PTPN3: variants seen among roughly 807,000 people sequenced by gnomAD.
The protein encoded by PTPN3 is protein tyrosine phosphatase non-receptor type 3.
A neutral mutation model predicts 132.7 loss-of-function variants in PTPN3; 96 were observed. The ratio of observed to expected loss-of-function variants is 0.72; its 90% confidence interval spans 0.61 to 0.86. PTPN3 has a LOEUF of 0.86. PTPN3 is among the 40% of genes least tolerant of loss of function. The pLI is 0.00. For missense variants in PTPN3, 1,125 were observed against 1,159.6 expected, an observed-to-expected ratio of 0.97 and a Z score of 0.43; for synonymous variants, 398 against 429.0, an observed-to-expected ratio of 0.93 and a Z score of 0.89.
chr9:109,394,919 C>G (rs1158727320), intron 19 of PTPN3, among the ~76,000 whole-genome samples: 1 of 151,502 alleles, frequency 6.6e-6, no homozygotes, highest in Non-Finnish European at 1.5e-5. Flanking sequence ...GCGGGCAGAT[C>G]ACGAGGTCAG....
At chr9:109,452,517 C>T (rs1845324951) in intron 5 of PTPN3, among the ~76,000 whole-genome samples, 1 of 151,542 alleles carries the variant, frequency 6.6e-6, no homozygotes, top group African/African-American at 2.4e-5. Flanking sequence ...GACACATATA[C>T]ATGTAAACAC....
the PTPN3 span, chr9:109,534,289 C>T: frequency 1.3e-6 from 2 of 1,534,104 alleles, no homozygotes; most frequent in South Asian, 1.2e-5. Flanking sequence ...GGGCGGCGAG[C>T]GGCAAGCGGC....
chr9:109,530,004 C>T, the PTPN3 span, among the ~76,000 whole-genome samples: 1 of 152,176 alleles, frequency 6.6e-6, no homozygotes, highest in Non-Finnish European at 1.5e-5. Flanking sequence ...CTGCCTCAGC[C>T]TCCCAAAGCA....
intron 1 of PTPN3, among the ~76,000 whole-genome samples, chr9:109,479,090 TTTAA>T (rs1564478717): frequency 6.6e-6 from 1 of 151,948 alleles, no homozygotes; most frequent in African/African-American, 2.4e-5. Context: ...ATTCAGTGGC[TTTAA>T]TTATATTCAC....
chr9:109,405,949 A>T (rs1482078639), intron 18 of PTPN3, among the ~76,000 whole-genome samples: 3 of 152,000 alleles, frequency 2.0e-5, no homozygotes, highest in Non-Finnish European at 2.9e-5. Flanking sequence ...CCTCCTCCAC[A>T]CCTGAGCCAG....
At chr9:109,406,418 C>T (rs1222424594) in intron 18 of PTPN3, 44 bp downstream of exon 18, 2 of 1,598,896 alleles carry the variant, frequency 1.3e-6, no homozygotes, top group Middle Eastern at 1.8e-4. Context: ...CGCAGCTTGG[C>T]TAGGACAGCT....
At chr9:109,432,713 C>T (rs546434132) in intron 10 of PTPN3, among the ~76,000 whole-genome samples, 3 of 152,162 alleles carry the variant, frequency 2.0e-5, no homozygotes, top group East Asian at 1.9e-4. Flanking sequence ...AGTTAATAAC[C>T]GAGGAACAGA....
intron 14 of PTPN3, among the ~76,000 whole-genome samples, chr9:109,416,791 CA>C (rs1842538663): frequency 6.6e-6 from 1 of 152,068 alleles, no homozygotes; most frequent in Non-Finnish European, 1.5e-5. Context: ...CCCCAAATCC[CA>C]TGGAAGAAGG....
intron 2 of PTPN3, among the ~76,000 whole-genome samples, chr9:109,459,107 A>G (rs1275307458): frequency 6.6e-6 from 1 of 152,260 alleles, no homozygotes; most frequent in African/African-American, 2.4e-5. Context: ...TCACATATAC[A>G]GGTATCTATT....
chr9:109,505,004 T>C, the PTPN3 span, among the ~76,000 whole-genome samples: 1 of 152,140 alleles, frequency 6.6e-6, no homozygotes, highest in East Asian at 1.9e-4. Flanking sequence ...ACCTAGGTAA[T>C]GTAGAATAGT....
chr9:109,427,195 T>C (rs1564429323), intron 11 of PTPN3, 73 bp from the exon 12 acceptor site: 15 of 1,511,806 alleles, frequency 9.9e-6, no homozygotes, highest in Admixed American at 5.4e-5. Flanking sequence ...TTAACCCACA[T>C]TGGTGAAATG....
chr9:109,449,652 C>T (rs1479871360), intron 5 of PTPN3: 1 of 985,322 alleles, frequency 1.0e-6, no homozygotes, highest in African/African-American at 1.7e-5. Context: ...ATACATGTGA[C>T]ACTTGGCCAC....
chr9:109,423,284 T>G (rs756646907), intron 12 of PTPN3, among the ~76,000 whole-genome samples: 1 of 152,226 alleles, frequency 6.6e-6, no homozygotes, highest in Non-Finnish European at 1.5e-5. Context: ...GGTAAATCTT[T>G]GAGAGAGAAT....
intron 17 of PTPN3, 61 bp downstream of exon 17, chr9:109,408,260 C>A: frequency 2.2e-6 from 3 of 1,341,172 alleles, no homozygotes; most frequent in Non-Finnish European, 3.1e-6. Flanking sequence ...GAAACAGAAA[C>A]CTGTTAGAAT....
chr9:109,506,575 C>T, the PTPN3 span, among the ~76,000 whole-genome samples: 3 of 145,012 alleles, frequency 2.1e-5, no homozygotes, highest in African/African-American at 7.5e-5. Context: ...TTCCTTCCTT[C>T]CTCTCTCTCT....
At chr9:109,404,359 T>C (rs963202138) in intron 19 of PTPN3, 89 bp downstream of exon 19, 2 of 985,412 alleles carry the variant, frequency 2.0e-6, no homozygotes, top group East Asian at 5.7e-5. Context: ...CAAGGGCTTG[T>C]GTCTCTGCCT....
chr9:109,410,806 C>T (rs1842017657), intron 14 of PTPN3, among the ~76,000 whole-genome samples: 1 of 152,194 alleles, frequency 6.6e-6, no homozygotes, highest in Non-Finnish European at 1.5e-5. Context: ...TTTTTTCCTT[C>T]TGTCTCACTT....
intron 14 of PTPN3, 82 bp from the exon 15 acceptor site, chr9:109,410,497 C>A: frequency 7.0e-7 from 1 of 1,433,924 alleles, no homozygotes; most frequent in East Asian, 2.3e-5. Context: ...AGGGGCCTGG[C>A]AGCTGGGGGC....
At chr9:109,506,640 T>C in the PTPN3 span, among the ~76,000 whole-genome samples, 1 of 148,602 alleles carries the variant, frequency 6.7e-6, no homozygotes, top group South Asian at 2.1e-4. Context: ...TCTATCTCTG[T>C]CACCCAGGCA....
Sources: gnomAD v4.1 joint callset for allele counts (sites outside exome capture counted in the v4.1 genomes callset) on GRCh38, gnomAD v4.1.1 for gene constraint, MANE v1.5 for transcripts, NCBI Gene and HGNC (gene_info 2026-07-23, HGNC 2026-07-21) for gene names.